The following GRID2 variants were observed in gnomAD, a reference collection of about 807,000 sequenced individuals.
GRID2 encodes glutamate ionotropic receptor delta type subunit 2.
Under a neutral mutation model 114.8 loss-of-function variants are expected in GRID2, and 33 were observed. The ratio of observed to expected loss-of-function variants is 0.29; its 90% CI spans 0.22 to 0.38. The LOEUF is 0.38. GRID2 is among the 10% of genes least tolerant of loss of function. The probability of loss-of-function intolerance (pLI) is 1.00; values close to 1 mark genes in which losing one functional copy is unlikely to be tolerated. For missense variants in GRID2, 1,184 were observed against 1,257.7 expected (o/e 0.94, Z 0.89); for synonymous variants, 505 against 449.9 (o/e 1.12, Z -1.55).
chr4:93,231,100 C>T (rs1213768289), intron 7 of GRID2, among the ~76,000 whole-genome samples: 1 of 152,068 alleles, frequency 6.6e-6, no homozygotes, highest in Non-Finnish European at 1.5e-5. Context: ...TTGAAAACCA[C>T]TCCCCTGGGG....
At chr4:92,768,586 G>C (rs761956984) in intron 2 of GRID2, among the ~76,000 whole-genome samples, 5 of 152,164 alleles carry the variant, frequency 3.3e-5, no homozygotes, top group Non-Finnish European at 5.9e-5. Context: ...AGACATATCA[G>C]AGACTGGGTA....
intron 2 of GRID2, among the ~76,000 whole-genome samples, chr4:92,667,687 G>A (rs889227256): frequency 2.6e-5 from 4 of 151,284 alleles, no homozygotes; most frequent in African/African-American, 9.7e-5. Context: ...ATTCATTTAA[G>A]ACAAATCTAG....
At chr4:92,352,782 AGC>A (rs370771387) in intron 1 of GRID2, among the ~76,000 whole-genome samples, 9,968 of 151,988 alleles carry the variant, frequency 0.066, 392 homozygotes, top group Middle Eastern at 0.14. Flanking sequence ...GTTGTTGAGT[AGC>A]AGGTGTTCTT....
intron 13 of GRID2, among the ~76,000 whole-genome samples, chr4:93,554,412 C>G (rs533896500): frequency 2.0e-5 from 3 of 150,280 alleles, no homozygotes; most frequent in Admixed American, 6.6e-5. Flanking sequence ...GTCCATTTAT[C>G]TCTTTTTTCT....
At chr4:92,495,161 A>G (rs1723327547) in intron 1 of GRID2, among the ~76,000 whole-genome samples, 3 of 152,022 alleles carry the variant, frequency 2.0e-5, no homozygotes, top group Admixed American at 2.0e-4. Context: ...GAGTGTCTAG[A>G]TCAAAGAAAC....
intron 13 of GRID2, among the ~76,000 whole-genome samples, chr4:93,607,996 A>T (rs1338674505): frequency 6.6e-6 from 1 of 151,232 alleles, no homozygotes; most frequent in East Asian, 1.9e-4. Context: ...TTTTTCTCAT[A>T]CAAAGCTACT....
At chr4:92,386,978 T>C (rs961231380) in intron 1 of GRID2, among the ~76,000 whole-genome samples, 5 of 152,072 alleles carry the variant, frequency 3.3e-5, no homozygotes, top group South Asian at 2.1e-4. Flanking sequence ...CTGTGTTTAC[T>C]CTGTTTCTTG....
At chr4:92,451,961 A>T (rs1043871582) in intron 1 of GRID2, among the ~76,000 whole-genome samples, 2 of 152,166 alleles carry the variant, frequency 1.3e-5, no homozygotes, top group Non-Finnish European at 2.9e-5. Flanking sequence ...GGCTTTCTCC[A>T]CTGTAAACCA....
intron 1 of GRID2, among the ~76,000 whole-genome samples, chr4:92,443,661 T>TGA (rs1272376364): frequency 1.3e-5 from 2 of 151,812 alleles, no homozygotes; most frequent in African/African-American, 4.8e-5. Context: ...GAGAAGGGGT[T>TGA]GGAGTACTTG....
At chr4:92,597,016 T>C (rs967270078) in intron 2 of GRID2, among the ~76,000 whole-genome samples, 3 of 152,114 alleles carry the variant, frequency 2.0e-5, no homozygotes, top group African/African-American at 7.2e-5. Context: ...AGGAACAAGA[T>C]GGTCTAGCTT....
At chr4:92,832,512 G>T (rs911006595) in intron 2 of GRID2, among the ~76,000 whole-genome samples, 1 of 151,632 alleles carries the variant, frequency 6.6e-6, no homozygotes, top group African/African-American at 2.4e-5. Context: ...TTCTGCCTCA[G>T]CCTCCAGAGT....
At chr4:92,906,918 T>G (rs72665213) in intron 2 of GRID2, among the ~76,000 whole-genome samples, 1,683 of 152,260 alleles carry the variant, frequency 0.011, 9 homozygotes, top group Middle Eastern at 0.027. Context: ...CTCTGGAGCT[T>G]GTTAGGAGTG....
At chr4:93,656,844 A>T (rs914668654) in intron 14 of GRID2, among the ~76,000 whole-genome samples, 3 of 149,498 alleles carry the variant, frequency 2.0e-5, no homozygotes, top group African/African-American at 7.4e-5. Context: ...AAAAAAAAAA[A>T]AAAAAAAAAA....
intron 4 of GRID2, among the ~76,000 whole-genome samples, chr4:93,166,579 A>G (rs796979151): frequency 2.2e-4 from 33 of 152,326 alleles, no homozygotes; most frequent in African/African-American, 7.9e-4. Context: ...CCACACATAA[A>G]CTATAGAACT....
chr4:92,601,228 A>G (rs1342296090), intron 2 of GRID2, among the ~76,000 whole-genome samples: 1 of 152,242 alleles, frequency 6.6e-6, no homozygotes, highest in South Asian at 2.1e-4. Context: ...ATAACAGGAT[A>G]TACATTCTTA....
intron 14 of GRID2, among the ~76,000 whole-genome samples, chr4:93,762,488 A>G (rs1170913937): frequency 6.6e-6 from 1 of 152,184 alleles, no homozygotes; most frequent in Non-Finnish European, 1.5e-5. Context: ...ATTATCTTTC[A>G]CTATGACAGG....
intron 2 of GRID2, among the ~76,000 whole-genome samples, 193 bp from the exon 3 acceptor site, chr4:93,084,802 T>C (rs1413454573): frequency 6.6e-6 from 1 of 152,206 alleles, no homozygotes; most frequent in Non-Finnish European, 1.5e-5. Flanking sequence ...GTCGCATAGA[T>C]AATAAGAGCA....
intron 3 of GRID2, among the ~76,000 whole-genome samples, chr4:93,105,201 A>G (rs1732093873): frequency 6.6e-6 from 1 of 152,038 alleles, no homozygotes; most frequent in Non-Finnish European, 1.5e-5. Context: ...TAGATTCTGC[A>G]TATTAGCCCT....
At chr4:93,693,943 A>G (rs917388343) in intron 14 of GRID2, among the ~76,000 whole-genome samples, 2 of 152,196 alleles carry the variant, frequency 1.3e-5, no homozygotes, top group Admixed American at 6.5e-5. Context: ...ATAAATCAAG[A>G]CAGGAAATGT....
Sources: gnomAD v4.1 joint callset for allele counts (sites outside exome capture counted in the v4.1 genomes callset) on GRCh38, gnomAD v4.1.1 for gene constraint, MANE v1.5 for transcripts, NCBI Gene and HGNC (gene_info 2026-07-23, HGNC 2026-07-21) for gene names.